DDX39A: variants seen among roughly 807,000 people sequenced by gnomAD.
DDX39A encodes the protein DExD-box helicase 39A.
A neutral mutation model predicts 46.3 loss-of-function variants in DDX39A; 13 were observed. The ratio of observed to expected loss-of-function variants is 0.28; its 90% confidence interval spans 0.18 to 0.45. The LOEUF (loss-of-function observed/expected upper bound fraction) is 0.45. Among genes scored for constraint, DDX39A ranks in the 20% least tolerant of loss-of-function variants. DDX39A has a pLI of 1.00. For synonymous variants in DDX39A, 234 were observed against 224.6 expected (o/e 1.04, Z -0.38); for missense variants, 352 against 581.8 (o/e 0.61, Z 4.06).
In DDX39A at chr19:14,411,293, G is replaced by A. The variant is rs1384543662; in HGVS notation, c.430-121C>T. The A allele has an allele frequency of 2.4e-6, 3 of 1,232,960 alleles. No homozygotes were observed. The highest frequency in any genetic ancestry group is 3.4e-6 in the Non-Finnish European group (3 of 891,218). 76.4% of individuals were successfully genotyped at this position (1,232,960 alleles called of 1,614,324 possible). A position where few individuals can be genotyped will look rare whatever the true frequency, so the allele number is the denominator to read the frequency against. ...CCAAGGCAGGCCTGAGAGCCTCCCG[G>A]GGCTCCACTCAAAGGCAGCCCCAGG... On this transcript the variant is annotated intron_variant, in intron 4 of 10. Transcript: ENST00000242776. This position sits in a 1 kb window ranked among gnomAD's most constrained non-coding sequence, Gnocchi z 4.1.
upstream of DDX39A, chr19:14,419,344 G>C (rs752714087): frequency 9.0e-6 from 2 of 221,868 alleles, no homozygotes; most frequent in South Asian, 4.2e-5. Flanking sequence ...GCTCAGACAC[G>C]AGTTGCTGCG....
rs1338793407 is a variant in DDX39A, at chr19:14,408,934, G to A, written c.*2C>T. The A allele has an allele frequency of 1.9e-6, 3 of 1,592,934 alleles. No individual in the cohort carries two copies. Among genetic ancestry groups the A allele is most frequent in the East Asian group, 2.2e-5 (1 of 44,534 alleles). On this transcript the variant is annotated 3_prime_UTR_variant, in exon 11 of 11. Transcript: ENST00000242776. Reference sequence around the variant, plus strand: ...CGGGTGGGCGGCTCTGGCACGTGGTGGTTACCGGCTCTGCTCGACTGTAAG... The same window carrying A: ...CGGGTGGGCGGCTCTGGCACGTGGTAGTTACCGGCTCTGCTCGACTGTAAG...
intron 1 of DDX39A, chr19:14,413,868 G>A (rs1358381077): frequency 6.5e-6 from 1 of 153,196 alleles, no homozygotes; most frequent in Non-Finnish European, 1.5e-5. Flanking sequence ...ACTCTCTGTG[G>A]TCTGCACAGG....
chr19:14,410,623 G>A lies in DDX39A; in HGVS notation c.614-289C>T, dbSNP rs553401222. On this transcript the variant is annotated intron_variant, in intron 5 of 10. Coordinates refer to ENST00000242776, the MANE Select transcript of DDX39A (RefSeq NM_005804.4). The surrounding 1 kb of genome is among the most constrained non-coding windows in gnomAD (Gnocchi z 4.3). ...AGGGGAGCCTGAGGCAGAGACAGCC[G>A]CTGGGGTGAGAGCTGCAGCTGCCTC... 1.5e-4 allele frequency: 78 copies of A among 526,128 alleles called. No individual in the cohort carries two copies. Among genetic ancestry groups the A allele is most frequent in the Admixed American group, 8.3e-4 (26 of 31,400 alleles). 32.6% of individuals were successfully genotyped at this position (526,128 alleles called of 1,614,324 possible). A position where few individuals can be genotyped will look rare whatever the true frequency, so the allele number is the denominator to read the frequency against.
rs764698651 is a variant in DDX39A at position 14,412,042 on chromosome 19, G to A, written c.337-444C>T. ...GCTCTGAGATAACGAGGGCACGGGC[G>A]CCAATATGAAGCCCAAAGATGTGCA... On this transcript the variant is annotated intron_variant, in intron 3 of 10. Coordinates refer to ENST00000242776, the MANE Select transcript of DDX39A (RefSeq NM_005804.4). This position sits in a 1 kb window ranked among gnomAD's most constrained non-coding sequence, Gnocchi z 4.4. 6.6e-6 allele frequency among the ~76,000 whole-genome samples: 1 copy of A among 152,138 alleles called. No individual in the cohort carries two copies. Among genetic ancestry groups the A allele is most frequent in the African/African-American group, 2.4e-5 (1 of 41,416 alleles).
chr19:14,409,506 C>T lies in DDX39A; in HGVS notation c.974+30G>A. On this transcript the variant is annotated intron_variant, in intron 8 of 10. Transcript: ENST00000242776. This position sits in a 1 kb window ranked among gnomAD's most constrained non-coding sequence, Gnocchi z 8.3. ...GACACTGGGCTCCTGGTGGTGCTCC[C>T]TGCAGCCTTGGCGGGCGGCTCGCAC... 1 of 1,610,718 alleles carries T rather than the reference C, an allele frequency of 6.2e-7. No individual in the cohort carries two copies. Among genetic ancestry groups the T allele is most frequent in the Non-Finnish European group, 8.5e-7 (1 of 1,178,922 alleles).
chr19:14,414,771 C>G (rs923281615), intron 1 of DDX39A, among the ~76,000 whole-genome samples: 1 of 150,802 alleles, frequency 6.6e-6, no homozygotes, highest in Non-Finnish European at 1.5e-5. Context: ...CGAGACCAGC[C>G]TGACCAACAT....
Position 14,411,374 on chromosome 19 carries a change from GCAAAAACCAC to G in DDX39A, c.429+122_429+131del, listed in dbSNP as rs2146388191. 9.4e-7 allele frequency: 1 copy of G among 1,062,128 alleles called. No homozygotes were observed. Among genetic ancestry groups the G allele is most frequent in the Non-Finnish European group, 1.4e-6 (1 of 719,068 alleles). 65.8% of individuals were successfully genotyped at this position (1,062,128 alleles called of 1,614,324 possible). Reference sequence around the variant, plus strand: ...GCATAATTCATCAGGCTTTTAAGGAGCAAAAACCACCGCAAACCTCAAAGGCAGCTGCCCC... The same window carrying G: ...GCATAATTCATCAGGCTTTTAAGGAGCGCAAACCTCAAAGGCAGCTGCCCC... On this transcript the variant is annotated intron_variant, in intron 4 of 10. Coordinates refer to ENST00000242776, the MANE Select transcript of DDX39A (RefSeq NM_005804.4). This position sits in a 1 kb window ranked among gnomAD's most constrained non-coding sequence, Gnocchi z 4.1.
Position 14,410,969 on chromosome 19 carries a change from T to G in DDX39A, c.613+20A>C, listed in dbSNP as rs1303042227. The G allele has an allele frequency of 6.5e-7, 1 of 1,531,364 alleles. No individual in the cohort carries two copies. The highest frequency in any genetic ancestry group is 2.0e-5 in the Admixed American group (1 of 49,740). 94.9% of individuals were successfully genotyped at this position (1,531,364 alleles called of 1,614,324 possible). On this transcript the variant is annotated intron_variant, in intron 5 of 10. Transcript: ENST00000242776. This position sits in a 1 kb window ranked among gnomAD's most constrained non-coding sequence, Gnocchi z 4.3. ...CTAGTCACTGACTCTCAGCTGGGGCTGCAAGGGCAGAGGACTCACCCAGCT... is the reference window on the plus strand; with the variant it reads ...CTAGTCACTGACTCTCAGCTGGGGCGGCAAGGGCAGAGGACTCACCCAGCT...
In DDX39A at chr19:14,408,932, G is replaced by A. The variant is rs1268453527; in HGVS notation, c.*4C>T. The A allele has an allele frequency of 6.3e-7, 1 of 1,590,778 alleles. No homozygotes were observed. The highest frequency in any genetic ancestry group is 1.7e-5 in the Admixed American group (1 of 57,692). On this transcript the variant is annotated 3_prime_UTR_variant, in exon 11 of 11. Transcript: ENST00000242776. ...TCCGGGTGGGCGGCTCTGGCACGTG[G>A]TGGTTACCGGCTCTGCTCGACTGTA... is the stretch of plus-strand genomic sequence containing the variant.
In DDX39A at chr19:14,411,058, T is replaced by G. The variant is rs1190276551; in HGVS notation, c.544A>C (p.Arg182=). Residue 182 remains arginine (R), a synonymous_variant, in exon 5 of 11, where the codon AGG becomes CGG. Coordinates refer to ENST00000242776, the MANE Select transcript of DDX39A (RefSeq NM_005804.4). The surrounding 1 kb of genome is among the most constrained non-coding windows in gnomAD (Gnocchi z 4.1). ...PGRILALVRN[R]SFSLKNVKHF... is the part of the protein sequence containing the mutation. ...TTCACATTCTTTAGGCTGAAGCTCCTATTCCGCACGAGCGCCAGGATGCGG... is the reference window on the plus strand; with the variant it reads ...TTCACATTCTTTAGGCTGAAGCTCCGATTCCGCACGAGCGCCAGGATGCGG... 14 of 1,612,498 alleles carry G rather than the reference T, an allele frequency of 8.7e-6. No individual in the cohort carries two copies. The highest frequency in any genetic ancestry group is 1.2e-5 in the Non-Finnish European group (14 of 1,179,316).
intron 1 of DDX39A, 116 bp from the exon 2 acceptor site, chr19:14,413,340 G>C (rs1976671825): frequency 1.1e-6 from 1 of 907,630 alleles, no homozygotes; most frequent in South Asian, 1.7e-5. Context: ...CTCTACCTGG[G>C]CTGCACCTCG....
rs773047847 is a variant in DDX39A, at chr19:14,409,538, C to G, written c.972G>C (p.Glu324Asp). 5 of 1,609,030 alleles carry G rather than the reference C, an allele frequency of 3.1e-6. No individual in the cohort carries two copies. In the East Asian group the frequency reaches 1.1e-4, roughly 36 times the overall value. ...IAIHRGMAQE[E>D]RLSRYQQFKD... ...CTTGGCGGGCGGCTCGCACTCACCG[C>G]TCCTCCTGGGCCATGCCCCGGTGGA... The change falls in exon 8 of 11, where the codon GAG becomes GAC. Residue 324 changes from glutamate to aspartate, a missense_variant and splice_region_variant. Glu to Asp is a conservative substitution (Grantham distance 45). Coordinates refer to ENST00000242776, the MANE Select transcript of DDX39A (RefSeq NM_005804.4). The surrounding 1 kb of genome is among the most constrained non-coding windows in gnomAD (Gnocchi z 8.3).
Position 14,410,119 on chromosome 19 carries a change from C to G in DDX39A, c.732+97G>C. The G allele has an allele frequency of 2.5e-6, 3 of 1,209,998 alleles. No individual in the cohort carries two copies. In the South Asian group the frequency reaches 3.6e-5, roughly 15 times the overall value. 75.0% of individuals were successfully genotyped at this position (1,209,998 alleles called of 1,614,324 possible). On this transcript the variant is annotated intron_variant, in intron 6 of 10. Coordinates refer to ENST00000242776, the MANE Select transcript of DDX39A (RefSeq NM_005804.4). The surrounding 1 kb of genome is among the most constrained non-coding windows in gnomAD (Gnocchi z 4.3). ...GAGGCTCCGCCGGCTCCCAGCATCC[C>G]AGCATCCTCCGTGCCATGTGGGCCG...
At position 14,408,955 on chromosome 19, in the gene DDX39A, G is replaced by T. The variant is rs752148704; in HGVS notation, c.1268-3C>A. On this transcript the variant is annotated splice_region_variant and splice_polypyrimidine_tract_variant and intron_variant, in intron 10 of 10. Transcript: ENST00000242776. ...TGGTGGTTACCGGCTCTGCTCGACT[G>T]TAAGACATGAGATGCAGTGAACTGA... 29 of 1,604,456 alleles carry T rather than the reference G, an allele frequency of 1.8e-5. No homozygotes were observed. The Middle Eastern group carries it at 5.0e-4, about 27-fold the overall frequency.
At chr19:14,415,149 G>C (rs557655769) in intron 1 of DDX39A, among the ~76,000 whole-genome samples, 2 of 151,776 alleles carry the variant, frequency 1.3e-5, no homozygotes, top group African/African-American at 4.8e-5. Context: ...CCCCAGCCCC[G>C]GGCAACCACT....
Position 14,412,560 on chromosome 19 carries a change from G to A in DDX39A, c.327C>T (p.Val109=). ...VLATLQQIEP[V]NGQVTVLVMC... ...GGAGGAGCCCACCCACCTGTCCGTT[G>A]ACAGGCTCAATCTGCTGTAGGGTGG... is the stretch of plus-strand genomic sequence containing the variant. The change falls in exon 3 of 11, where the codon GTC becomes GTT. Residue 109 remains valine (V), a synonymous_variant. Coordinates refer to ENST00000242776, the MANE Select transcript of DDX39A (RefSeq NM_005804.4). The surrounding 1 kb of genome is among the most constrained non-coding windows in gnomAD (Gnocchi z 4.4). The A allele has an allele frequency of 1.2e-6, 2 of 1,608,502 alleles. No individual in the cohort carries two copies. Among genetic ancestry groups the A allele is most frequent in the African/African-American group, 1.3e-5 (1 of 75,042 alleles).
At position 14,413,179 on chromosome 19, in the gene DDX39A, A is replaced by G; in HGVS notation, c.42T>C (p.Asp14=). 6.2e-7 allele frequency: 1 copy of G among 1,614,032 alleles called. No individual in the cohort carries two copies. Among genetic ancestry groups the G allele is most frequent in the South Asian group, 1.1e-5 (1 of 91,088 alleles). Reference sequence around the variant, plus strand: ...GAGGAGCCTGGGGCTCTTCCTCTTCATCGTAATCCAAAAGATCGTTTTCCA... The same window carrying G: ...GAGGAGCCTGGGGCTCTTCCTCTTCGTCGTAATCCAAAAGATCGTTTTCCA... ...QDVENDLLDY[D]EEEEPQAPQE... is the part of the protein sequence containing the mutation. Residue 14 remains aspartate (D), a synonymous_variant, in exon 2 of 11, where the codon GAT becomes GAC. Transcript: ENST00000242776.
intron 1 of DDX39A, among the ~76,000 whole-genome samples, chr19:14,414,647 C>G (rs1034440460): frequency 6.8e-6 from 1 of 146,950 alleles, no homozygotes; most frequent in African/African-American, 2.5e-5. Flanking sequence ...CCGCGCCTGG[C>G]CTTATTATTA....
Sources: gnomAD v4.1 joint callset for allele counts (sites outside exome capture counted in the v4.1 genomes callset) on GRCh38, gnomAD v4.1.1 for gene constraint, Gnocchi (gnomAD v3.1) non-coding constraint, MANE v1.5 for transcripts, NCBI Gene and HGNC (gene_info 2026-07-23, HGNC 2026-07-21) for gene names.